Variants in C2CD5 observed in about 807,000 individuals in gnomAD.
C2CD5 encodes C2 calcium dependent domain containing 5.
In C2CD5, 109 loss-of-function variants were observed where a neutral mutation model predicts 130.3. That is an observed-to-expected ratio of 0.84 (90% CI 0.72 to 0.98). The LOEUF is 0.98. Among genes scored for constraint, C2CD5 ranks in the 50% least tolerant of loss-of-function variants. The probability of loss-of-function intolerance (pLI) is 0.00; values close to 1 mark genes in which losing one functional copy is unlikely to be tolerated. For synonymous variants in C2CD5, 454 were observed against 429.2 expected (o/e 1.06, Z -0.71); for missense variants, 996 against 1,261.8 (o/e 0.79, Z 3.19).
At chr12:22,485,381 C>T (rs1945343679) in intron 12 of C2CD5, among the ~76,000 whole-genome samples, 1 of 151,644 alleles carries the variant, frequency 6.6e-6, no homozygotes, top group Non-Finnish European at 1.5e-5. Context: ...TGAATAAGAC[C>T]TAGCGTTTGA....
intron 23 of C2CD5, 62 bp from the exon 24 acceptor site, chr12:22,458,647 T>C (rs1940461295): frequency 3.2e-6 from 2 of 626,456 alleles, no homozygotes; most frequent in Non-Finnish European, 4.6e-6. Flanking sequence ...TGATGTCTCT[T>C]ACTCGTCTTA....
chr12:22,527,985 C>G, intron 3 of C2CD5, 93 bp from the exon 4 acceptor site: 1 of 630,424 alleles, frequency 1.6e-6, no homozygotes. Flanking sequence ...GATGACACAT[C>G]TGCAAATAAA....
At chr12:22,484,674 G>T in intron 13 of C2CD5, 23 bp downstream of exon 13, 1 of 1,395,738 alleles carries the variant, frequency 7.2e-7, no homozygotes. Context: ...CAGGGACACC[G>T]AGTGTTGTTT....
At chr12:22,508,373 G>A (rs925601843) in intron 9 of C2CD5, among the ~76,000 whole-genome samples, 2 of 152,082 alleles carry the variant, frequency 1.3e-5, no homozygotes, top group African/African-American at 2.4e-5. Context: ...AGGAGAGTAC[G>A]TCACTTATAA....
At chr12:22,541,807 T>A (rs998743908) in intron 2 of C2CD5, among the ~76,000 whole-genome samples, 1 of 152,184 alleles carries the variant, frequency 6.6e-6, no homozygotes, top group Non-Finnish European at 1.5e-5. Context: ...ATTTAATAAT[T>A]TATTTACCTT....
At chr12:22,472,675 G>GT (rs1411660988) in intron 17 of C2CD5, 69 bp downstream of exon 17, 5 of 907,520 alleles carry the variant, frequency 5.5e-6, no homozygotes, top group African/African-American at 5.0e-5. Flanking sequence ...AATTAGTACT[G>GT]TAACAATTAT....
chr12:22,519,534 GTATTTT>G (rs1565780266), intron 7 of C2CD5, among the ~76,000 whole-genome samples: 1 of 151,976 alleles, frequency 6.6e-6, no homozygotes. Flanking sequence ...ACTAAGATCT[GTATTTT>G]AAGTTTCCTT....
chr12:22,542,572 T>C (rs938396294), intron 2 of C2CD5, among the ~76,000 whole-genome samples: 1 of 152,186 alleles, frequency 6.6e-6, no homozygotes, highest in Non-Finnish European at 1.5e-5. Context: ...CCTGGTAAAA[T>C]CCTGGGTGTC....
At chr12:22,538,020 T>G (rs1951988201) in intron 2 of C2CD5, among the ~76,000 whole-genome samples, 1 of 152,204 alleles carries the variant, frequency 6.6e-6, no homozygotes, top group African/African-American at 2.4e-5. Context: ...ATTCTCTCAA[T>G]CAATGCAACC....
chr12:22,487,346 A>G (rs938557381), intron 12 of C2CD5, among the ~76,000 whole-genome samples: 1 of 151,496 alleles, frequency 6.6e-6, no homozygotes, highest in African/African-American at 2.5e-5. Flanking sequence ...AATGAACTCA[A>G]ACAAATTTAC....
chr12:22,463,708 ACTAT>A (rs553699715), intron 22 of C2CD5: 23 of 152,212 alleles, frequency 1.5e-4, no homozygotes, highest in Non-Finnish European at 2.6e-4. Flanking sequence ...ACCTCTTTTG[ACTAT>A]CTATTCACTT....
intron 25 of C2CD5, 72 bp from the exon 26 acceptor site, chr12:22,454,114 C>A (rs1441776876): frequency 8.3e-7 from 1 of 1,200,504 alleles, no homozygotes; most frequent in South Asian, 1.4e-5. Context: ...CACAAAATGT[C>A]AAAGAATATA....
chr12:22,456,899 T>C (rs1263318029), intron 25 of C2CD5, 72 bp downstream of exon 25: 3 of 939,554 alleles, frequency 3.2e-6, no homozygotes, highest in Non-Finnish European at 4.8e-6. Context: ...AAATAACAAT[T>C]TGAAACTTAG....
chr12:22,467,549 T>C (rs1942289448), intron 22 of C2CD5, among the ~76,000 whole-genome samples: 1 of 152,180 alleles, frequency 6.6e-6, no homozygotes, highest in Non-Finnish European at 1.5e-5. Flanking sequence ...CCATAAACTA[T>C]AGAAACCCAA....
chr12:22,514,936 A>G, intron 8 of C2CD5: 1 of 975,282 alleles, frequency 1.0e-6, no homozygotes, highest in Non-Finnish European at 1.2e-6. Context: ...AGGGATTAAA[A>G]AGCTGACATA....
chr12:22,530,121 C>T (rs1177776414), intron 3 of C2CD5, among the ~76,000 whole-genome samples: 225 of 132,614 alleles, frequency 1.7e-3, no homozygotes, highest in Non-Finnish European at 2.1e-3. Context: ...TACACACACA[C>T]ACACACACAC....
At chr12:22,530,083 T>C (rs1168810485) in intron 3 of C2CD5, among the ~76,000 whole-genome samples, 1 of 99,560 alleles carries the variant, frequency 1.0e-5, no homozygotes, top group African/African-American at 4.8e-5. Flanking sequence ...GTGCTATATA[T>C]ATATATATAT....
intron 22 of C2CD5, among the ~76,000 whole-genome samples, chr12:22,466,207 C>G (rs1425206961): frequency 6.6e-6 from 1 of 151,734 alleles, no homozygotes; most frequent in African/African-American, 2.4e-5. Flanking sequence ...TGAAACTAAT[C>G]CCCTAGTCAA....
At chr12:22,496,134 AAAGTT>A (rs1437045250) in intron 10 of C2CD5, among the ~76,000 whole-genome samples, 1 of 152,128 alleles carries the variant, frequency 6.6e-6, no homozygotes, top group African/African-American at 2.4e-5. Context: ...ACAGTAAAGA[AAAGTT>A]AAATTTATCT....
Sources: gnomAD v4.1 joint callset for allele counts (sites outside exome capture counted in the v4.1 genomes callset) on GRCh38, gnomAD v4.1.1 for gene constraint, MANE v1.5 for transcripts, NCBI Gene and HGNC (gene_info 2026-07-23, HGNC 2026-07-21) for gene names.